Variants in CCDC73 observed in about 807,000 individuals in gnomAD.
CCDC73 encodes the protein coiled-coil domain containing 73.
CCDC73 carries 95 observed loss-of-function variants against 116.5 expected under a neutral mutation model. The ratio of observed to expected loss-of-function variants is 0.82; its 90% CI spans 0.69 to 0.97. The LOEUF (loss-of-function observed/expected upper bound fraction) is 0.97, where lower values mean the gene tolerates loss of function less well. Among genes scored for constraint, CCDC73 ranks in the 50% least tolerant of loss-of-function variants. CCDC73 has a pLI of 0.00. For missense variants in CCDC73, 1,066 were observed against 1,206.8 expected, an observed-to-expected ratio of 0.88 and a Z score of 1.73; for synonymous variants, 398 against 401.3, an observed-to-expected ratio of 0.99 and a Z score of 0.10.
the CCDC73 span, among the ~76,000 whole-genome samples, chr11:32,823,887 G>A: frequency 1.3e-5 from 2 of 151,746 alleles, no homozygotes; most frequent in Non-Finnish European, 2.9e-5. Context: ...TTGTTTGTTT[G>A]TTTTTGTTTT....
intron 1 of CCDC73, among the ~76,000 whole-genome samples, chr11:32,786,625 C>A (rs973148095): frequency 6.7e-6 from 1 of 150,342 alleles, no homozygotes; most frequent in Non-Finnish European, 1.5e-5. Context: ...GTATTACAAG[C>A]TTTTTTAAAA....
intron 2 of CCDC73, among the ~76,000 whole-genome samples, chr11:32,759,423 TG>T (rs1184932160): frequency 6.7e-6 from 1 of 149,160 alleles, no homozygotes; most frequent in African/African-American, 2.5e-5. Flanking sequence ...CTCCACCTCC[TG>T]GGTTCAAGCA....
intron 2 of CCDC73, among the ~76,000 whole-genome samples, chr11:32,751,553 G>A (rs72897154): frequency 3.3e-5 from 5 of 152,288 alleles, no homozygotes; most frequent in African/African-American, 4.8e-5. Flanking sequence ...CATAGACACC[G>A]GCTGGGTTCC....
chr11:32,633,117 G>T (rs201850), intron 14 of CCDC73, among the ~76,000 whole-genome samples: 65,924 of 151,960 alleles, frequency 0.43, 14,727 homozygotes, highest in African/African-American at 0.49. Context: ...GCAGTGGCAC[G>T]ATCTCGGCTC....
chr11:32,758,962 G>C (rs1266105193), intron 2 of CCDC73, among the ~76,000 whole-genome samples: 3 of 151,854 alleles, frequency 2.0e-5, no homozygotes, highest in Non-Finnish European at 4.4e-5. Context: ...TTTAAATTTT[G>C]TTATTGTAAC....
chr11:32,627,220 T>C (rs141492914), intron 14 of CCDC73, among the ~76,000 whole-genome samples: 7,164 of 152,196 alleles, frequency 0.047, 187 homozygotes, highest in African/African-American at 0.061. Context: ...CATGAAAAAA[T>C]TCTCATCATC....
chr11:32,826,534 T>G, the CCDC73 span, among the ~76,000 whole-genome samples: 9 of 151,950 alleles, frequency 5.9e-5, no homozygotes, highest in Non-Finnish European at 1.2e-4. Context: ...AATTCAGAGA[T>G]GCATTATCAC....
intron 2 of CCDC73, among the ~76,000 whole-genome samples, chr11:32,732,015 C>G (rs1205225639): frequency 6.6e-6 from 1 of 152,120 alleles, no homozygotes; most frequent in Non-Finnish European, 1.5e-5. Flanking sequence ...AGCTAAAAAC[C>G]TTGAAAAAAG....
chr11:32,700,691 T>C, intron 5 of CCDC73, 100 bp downstream of exon 5: 2 of 566,084 alleles, frequency 3.5e-6, no homozygotes, highest in Non-Finnish European at 6.2e-6. Flanking sequence ...TCTCTTATGG[T>C]AAACAATGGA....
At chr11:32,658,675 T>C (rs1412627752) in intron 9 of CCDC73, among the ~76,000 whole-genome samples, 1 of 152,092 alleles carries the variant, frequency 6.6e-6, no homozygotes, top group Non-Finnish European at 1.5e-5. Context: ...GAATAAAAAC[T>C]TGAGAAAAGA....
At chr11:32,798,224 A>G (rs1460141586), upstream of CCDC73, among the ~76,000 whole-genome samples, 1 of 152,284 alleles carries the variant, frequency 6.6e-6, no homozygotes, top group Non-Finnish European at 1.5e-5. Context: ...CTAAGATACA[A>G]ATATGACAGA....
chr11:32,781,354 G>GT (rs1850582773), intron 1 of CCDC73, among the ~76,000 whole-genome samples: 1 of 152,128 alleles, frequency 6.6e-6, no homozygotes, highest in African/African-American at 2.4e-5. Flanking sequence ...ATAAAACTCT[G>GT]TTTTTTGGCA....
At chr11:32,631,432 G>A (rs1306725189) in intron 14 of CCDC73, among the ~76,000 whole-genome samples, 1 of 152,150 alleles carries the variant, frequency 6.6e-6, no homozygotes, top group Non-Finnish European at 1.5e-5. Flanking sequence ...TTAATAGGAA[G>A]ATATTTGGAA....
At chr11:32,713,390 C>T (rs891500998) in intron 3 of CCDC73, among the ~76,000 whole-genome samples, 2 of 151,958 alleles carry the variant, frequency 1.3e-5, no homozygotes, top group Admixed American at 6.6e-5. Context: ...TTATGGTTTC[C>T]GATCTCAGTA....
Position 32,613,609 on chromosome 11 carries a change from AT to A in CCDC73, c.2708del (p.Asn903IlefsTer11), listed in dbSNP as rs1440967470. The A allele has an allele frequency of 1.2e-5, 19 of 1,614,074 alleles. No homozygotes were observed. The highest frequency in any genetic ancestry group is 1.6e-5 in the Non-Finnish European group (19 of 1,179,988). ...KKTEKTPVYM[N>X]FSDPGPWSKV... ...TTGACCAAGGACCGGGGTCTGAAAA[AT>A]TCATGTATACTGGAGTTTTCTCAGT... is the stretch of plus-strand genomic sequence containing the variant. On this transcript the variant is annotated frameshift_variant, in exon 16 of 18. Transcript: ENST00000335185. LOFTEE classifies it high-confidence loss of function.
intron 12 of CCDC73, among the ~76,000 whole-genome samples, chr11:32,642,783 C>T (rs921491509): frequency 6.6e-6 from 1 of 151,828 alleles, no homozygotes; most frequent in South Asian, 2.1e-4. Flanking sequence ...CTCCTACCTA[C>T]ATGCCTAATA....
intron 3 of CCDC73, among the ~76,000 whole-genome samples, chr11:32,711,048 CA>C: frequency 6.6e-6 from 1 of 152,220 alleles, no homozygotes; most frequent in East Asian, 1.9e-4. Context: ...AAATGCTCAA[CA>C]TCAGTAATGA....
intron 1 of CCDC73, among the ~76,000 whole-genome samples, chr11:32,788,368 AAATT>A (rs1261684583): frequency 6.6e-6 from 1 of 152,224 alleles, no homozygotes; most frequent in African/African-American, 2.4e-5. Flanking sequence ...TGATTTTTAA[AAATT>A]AATTAGACTT....
At chr11:32,608,978 C>G (rs1273987403) in intron 17 of CCDC73, among the ~76,000 whole-genome samples, 1 of 152,088 alleles carries the variant, frequency 6.6e-6, no homozygotes, top group Non-Finnish European at 1.5e-5. Flanking sequence ...GCACACAGCA[C>G]GGGGACCCTG....
Sources: gnomAD v4.1 joint callset for allele counts (sites outside exome capture counted in the v4.1 genomes callset) on GRCh38, gnomAD v4.1.1 for gene constraint, MANE v1.5 for transcripts, NCBI Gene and HGNC (gene_info 2026-07-23, HGNC 2026-07-21) for gene names.